SIGLEC6: variants seen among roughly 807,000 people sequenced by gnomAD.
SIGLEC6 encodes sialic acid-binding Ig-like lectin 6.
In SIGLEC6, 31 loss-of-function variants were observed where a neutral mutation model predicts 41.4. The observed-to-expected ratio is 0.75, with a 90% CI of 0.56 to 1.01. The LOEUF (loss-of-function observed/expected upper bound fraction) is 1.01. Among genes scored for constraint, SIGLEC6 ranks in the 50% least tolerant of loss-of-function variants. SIGLEC6 has a pLI of 0.00. For missense variants in SIGLEC6, 555 were observed against 558.6 expected (o/e 0.99, Z 0.06); for synonymous variants, 217 against 231.0 (o/e 0.94, Z 0.55).
chr19:51,530,179 A>T (rs73559190), intron 4 of SIGLEC6, among the ~76,000 whole-genome samples, 198 bp from the exon 5 acceptor site: 1,843 of 152,312 alleles, frequency 0.012, 36 homozygotes, highest in African/African-American at 0.041. Context: ...GGCTGCGGAC[A>T]GCGTCGTGGC....
chr19:51,525,351 C>A (rs942767993), intron 7 of SIGLEC6, among the ~76,000 whole-genome samples: 1 of 152,166 alleles, frequency 6.6e-6, no homozygotes, highest in African/African-American at 2.4e-5. Flanking sequence ...CACTCCTACT[C>A]CCCCGAGGCT....
chr19:51,528,773 G>C (rs916682124), intron 5 of SIGLEC6, among the ~76,000 whole-genome samples: 14 of 152,002 alleles, frequency 9.2e-5, no homozygotes, highest in Non-Finnish European at 1.5e-4. Context: ...ACCAGGTCAG[G>C]AGATCGAGAC....
Position 51,528,206 on chromosome 19 carries a change from C to G in SIGLEC6, c.1060G>C (p.Ala354Pro). 1.9e-6 allele frequency: 3 copies of G among 1,614,170 alleles called. No homozygotes were observed. Among genetic ancestry groups the G allele is most frequent in the Non-Finnish European group, 2.5e-6 (3 of 1,180,022 alleles). Residue 354 changes from alanine to proline, a missense_variant, in exon 6 of 8, where the codon GCT (alanine) becomes CCT (proline). Coordinates refer to ENST00000425629, the MANE Select transcript of SIGLEC6 (RefSeq NM_001245.7). ...AGGVLGAVWGASITTLVFLCV... is the reference protein window; with the variant it reads ...AGGVLGAVWGPSITTLVFLCV... ...AGGAAAACCAGGGTTGTGATGCTAG[C>G]TCCCCAGACTGCTCCCAGGACACCA...
intron 5 of SIGLEC6, 117 bp downstream of exon 5, chr19:51,529,607 C>A: frequency 1.5e-6 from 2 of 1,333,106 alleles, no homozygotes; most frequent in Non-Finnish European, 2.1e-6. Flanking sequence ...AGGAGGGTCC[C>A]AGCAGTTGTG....
In SIGLEC6 at chr19:51,530,757, G is replaced by T. The variant is rs1387480734; in HGVS notation, c.630C>A (p.Ser210Arg). The T allele has an allele frequency of 1.9e-6, 3 of 1,614,150 alleles. No individual in the cohort carries two copies. In the African/African-American group the frequency reaches 4.0e-5, roughly 22 times the overall value. Reference sequence around the variant, plus strand: ...ACGTCACCTGACAGGTGAGGTTGGTGCTGTGGTCCTGGGGCCGTGGGGTGA... The same window carrying T: ...ACGTCACCTGACAGGTGAGGTTGGTTCTGTGGTCCTGGGGCCGTGGGGTGA... ...LTITPRPQDH[S>R]TNLTCQVTFP... The change falls in exon 3 of 8, where the codon AGC becomes AGA. Residue 210 changes from serine (S) to arginine (R), a missense_variant. Physicochemically the swap from Ser to Arg is moderately radical, Grantham distance 110 (BLOSUM62 -1). Coordinates refer to ENST00000425629, the MANE Select transcript of SIGLEC6 (RefSeq NM_001245.7).
chr19:51,530,322 G>T (rs1322228251), intron 4 of SIGLEC6, 115 bp downstream of exon 4: 1 of 960,298 alleles, frequency 1.0e-6, no homozygotes, highest in Non-Finnish European at 1.6e-6. Flanking sequence ...CAAAGATTCA[G>T]TCCAGGTCTT....
intron 7 of SIGLEC6, among the ~76,000 whole-genome samples, chr19:51,527,160 A>G (rs1214079508): frequency 6.6e-6 from 1 of 152,236 alleles, no homozygotes; most frequent in Non-Finnish European, 1.5e-5. Context: ...ACCTCTCTAG[A>G]GAGGTCAGCA....
rs750522686 is a variant in SIGLEC6, at chr19:51,531,272, G to A, written c.315C>T (p.Ser105=). ...TCCTCCGGGCATCTCTGATGCTCAGGGAGCAGTTCTTCCTTCTGGGATCCC... is the reference window on the plus strand; with the variant it reads ...TCCTCCGGGCATCTCTGATGCTCAGAGAGCAGTTCTTCCTTCTGGGATCCC... The part of the protein sequence containing the change: ...LLWDPRRKNC[S]LSIRDARRRD... The change falls in exon 2 of 8, where the codon TCC becomes TCT. Residue 105 remains serine, a synonymous_variant. Transcript: ENST00000425629. The A allele has an allele frequency of 3.1e-6, 5 of 1,614,186 alleles. No homozygotes were observed. In the South Asian group the frequency reaches 5.5e-5, roughly 18 times the overall value.
chr19:51,526,522 C>T (rs183243572), intron 7 of SIGLEC6, among the ~76,000 whole-genome samples: 13 of 152,276 alleles, frequency 8.5e-5, no homozygotes, highest in South Asian at 4.1e-4. Context: ...CTTCTGAAAA[C>T]GTCCAGAAAC....
chr19:51,527,587 T>C (rs1049866006), intron 7 of SIGLEC6, among the ~76,000 whole-genome samples, 160 bp downstream of exon 7: 1 of 152,228 alleles, frequency 6.6e-6, no homozygotes, highest in African/African-American at 2.4e-5. Context: ...ATTATTGAAA[T>C]CAATACTTTT....
In SIGLEC6 at chr19:51,518,858, CA is replaced by C. The variant is rs1234816442; in HGVS notation, c.*1223del. On this transcript the variant is annotated 3_prime_UTR_variant, in exon 8 of 8. Coordinates refer to ENST00000425629, the MANE Select transcript of SIGLEC6 (RefSeq NM_001245.7). Reference sequence around the variant, plus strand: ...ACAAGATCATGTAGAGAGCCTTGAGCAGAAAGATGATGGATGGAAACCTTAT... The same window carrying C: ...ACAAGATCATGTAGAGAGCCTTGAGCGAAAGATGATGGATGGAAACCTTAT... Among the ~76,000 whole-genome samples the C allele has an allele frequency of 6.6e-6, 1 of 152,082 alleles. No individual in the cohort carries two copies. The highest frequency in any genetic ancestry group is 1.5e-5 in the Non-Finnish European group (1 of 68,016).
Position 51,530,721 on chromosome 19 carries a change from G to T in SIGLEC6, c.666C>A (p.Ala222=). 6.2e-7 allele frequency: 1 copy of T among 1,614,090 alleles called. No individual in the cohort carries two copies. The highest frequency in any genetic ancestry group is 8.5e-7 in the Non-Finnish European group (1 of 1,179,998). Residue 222 remains alanine, a synonymous_variant, in exon 3 of 8, where the codon GCC becomes GCA. Coordinates refer to ENST00000425629, the MANE Select transcript of SIGLEC6 (RefSeq NM_001245.7). ...NLTCQVTFPG[A]GVTMERTIQL... is the part of the protein sequence containing the mutation. Reference sequence around the variant, plus strand: ...GGATGGTTCTCTCCATGGTCACACCGGCTCCAGGGAACGTCACCTGACAGG... The same window carrying T: ...GGATGGTTCTCTCCATGGTCACACCTGCTCCAGGGAACGTCACCTGACAGG...
At chr19:51,531,085 G>C (rs73053415) in intron 2 of SIGLEC6, 75 bp downstream of exon 2, 1 of 1,346,498 alleles carries the variant, frequency 7.4e-7, no homozygotes. Context: ...CTCCCAAGAC[G>C]GGGCTCCCGT....
At position 51,530,929 on chromosome 19, in the gene SIGLEC6, G is replaced by A. The variant is rs1980199583; in HGVS notation, c.458C>T (p.Pro153Leu). The A allele has an allele frequency of 6.2e-7, 1 of 1,612,744 alleles. No individual in the cohort carries two copies. Among genetic ancestry groups the A allele is most frequent in the Admixed American group, 1.7e-5 (1 of 59,990 alleles). ...GGGATGGCCAGACTCCAGGGTCCCT[G>A]GGATGGAGATGTTGGGCCTGTGGGT... is the stretch of plus-strand genomic sequence containing the variant. ...ALTHRPNISI[P>L]GTLESGHPSN... Residue 153 changes from proline to leucine, a missense_variant, in exon 3 of 8, where the codon CCA becomes CTA. Coordinates refer to ENST00000425629, the MANE Select transcript of SIGLEC6 (RefSeq NM_001245.7).
At position 51,527,777 on chromosome 19, in the gene SIGLEC6, A is replaced by T. The variant is rs1042460105; in HGVS notation, c.1158T>A (p.Asp386Glu). Reference protein sequence around the residue: ...KAAQPVQNTDDVNPVMVSGSR... With the variant: ...KAAQPVQNTDEVNPVMVSGSR... ...AGCCTGAGACCATGACGGGGTTCAC[A>T]TCATCCGTGTTTTGCACTGGCTGGG... The change falls in exon 7 of 8, where the codon GAT (aspartate) becomes GAA (glutamate). Residue 386 changes from aspartate to glutamate, a missense_variant. Transcript: ENST00000425629. 1 of 1,614,084 alleles carries T rather than the reference A, an allele frequency of 6.2e-7. No homozygotes were observed. Among genetic ancestry groups the T allele is most frequent in the Non-Finnish European group, 8.5e-7 (1 of 1,180,008 alleles).
chr19:51,531,465 A>T lies in SIGLEC6; in HGVS notation c.122T>A (p.Val41Glu), dbSNP rs763965659. 12 of 1,613,974 alleles carry T rather than the reference A, an allele frequency of 7.4e-6. No homozygotes were observed. The South Asian group carries it at 1.3e-4, about 18-fold the overall frequency. ...FQLEGPESLTVQEGLCVLVPC... is the reference protein window; with the variant it reads ...FQLEGPESLTEQEGLCVLVPC... ...TACGAGGACGCACAGACCCTCCTGC[A>T]CCGTCAGTGACTCTGGCCCCTCCAG... The change falls in exon 2 of 8, where the codon GTG becomes GAG. Residue 41 changes from valine to glutamate, a missense_variant. By Grantham distance (121) the Val-to-Glu change is moderately radical. Coordinates refer to ENST00000425629, the MANE Select transcript of SIGLEC6 (RefSeq NM_001245.7).
intron 7 of SIGLEC6, among the ~76,000 whole-genome samples, chr19:51,526,971 C>G (rs959857079): frequency 6.6e-6 from 1 of 152,160 alleles, no homozygotes; most frequent in Non-Finnish European, 1.5e-5. Flanking sequence ...ACTGGTTCTT[C>G]AAATTAACTC....
At chr19:51,520,545 C>T (rs1018896992) in intron 7 of SIGLEC6, among the ~76,000 whole-genome samples, 1 of 151,942 alleles carries the variant, frequency 6.6e-6, no homozygotes, top group Non-Finnish European at 1.5e-5. Context: ...TGCACCCCAC[C>T]TGGCTAATTT....
chr19:51,529,596 T>G lies in SIGLEC6; in HGVS notation c.1012+128A>C. 1.7e-6 allele frequency: 2 copies of G among 1,204,228 alleles called. 1 individual carries two copies. The highest frequency in any genetic ancestry group is 2.8e-5 in the South Asian group (2 of 70,844). The allele number at this position is 1,204,228 out of a possible 1,614,324, so 74.6% of individuals were successfully genotyped here. A position where few individuals can be genotyped will look rare whatever the true frequency, so the allele number is the denominator to read the frequency against. ...GTGTGGACTCTAAGCCTCCCAGAGGTAGGAGGGTCCCAGCAGTTGTGAGGG... is the reference window on the plus strand; with the variant it reads ...GTGTGGACTCTAAGCCTCCCAGAGGGAGGAGGGTCCCAGCAGTTGTGAGGG... On this transcript the variant is annotated intron_variant, in intron 5 of 7. Transcript: ENST00000425629.
Sources: gnomAD v4.1 joint callset for allele counts (sites outside exome capture counted in the v4.1 genomes callset) on GRCh38, gnomAD v4.1.1 for gene constraint, MANE v1.5 for transcripts, NCBI Gene and HGNC (gene_info 2026-07-23, HGNC 2026-07-21) for gene names.